Variants in ARHGEF4 observed in about 807,000 individuals in gnomAD.
ARHGEF4 encodes APC-stimulated guanine nucleotide exchange factor 1.
Under a neutral mutation model 162.0 loss-of-function variants are expected in ARHGEF4, and 119 were observed. The ratio of observed to expected loss-of-function variants is 0.73; its 90% CI spans 0.63 to 0.86. ARHGEF4 has a LOEUF of 0.86. Ranked by LOEUF, ARHGEF4 falls within the 40% of genes least tolerant of loss-of-function variation. The pLI, the probability that ARHGEF4 is intolerant of heterozygous loss-of-function variation, is 0.00. For synonymous variants in ARHGEF4, 1,014 were observed against 979.9 expected (o/e 1.03, Z -0.65); for missense variants, 2,488 against 2,456.0 (o/e 1.01, Z -0.28).
At position 130,928,584 on chromosome 2, in the gene ARHGEF4, G is replaced by T. The variant is rs145776420; in HGVS notation, c.3553-2368G>T. ...TGACTGTGCTGGGACCTTAACTGAG[G>T]GTCACACTTACAAACTTTAAACCAG... is the stretch of plus-strand genomic sequence containing the variant. On this transcript the variant is annotated intron_variant, in intron 2 of 13. Coordinates refer to ENST00000409359, the MANE Select transcript of ARHGEF4 (RefSeq NM_001367493.1). Among the ~76,000 whole-genome samples the T allele has an allele frequency of 3.4e-3, 517 of 152,214 alleles. 2 individuals are homozygous for T. Among genetic ancestry groups the T allele is most frequent in the African/African-American group, 0.012 (497 of 41,542 alleles).
chr2:131,040,061 G>A lies in ARHGEF4; in HGVS notation c.4351G>A (p.Ala1451Thr). Reference sequence around the variant, plus strand: ...GCCCGCGGATGACGACGCCCCTCTGGCCGGGAACAGCGGAGCGGAGGACGG... The same window carrying A: ...GCCCGCGGATGACGACGCCCCTCTGACCGGGAACAGCGGAGCGGAGGACGG... ...DEPADDDAPL[A>T]GNSGAEDGGA... Residue 1451 changes from alanine (A) to threonine (T), a missense_variant, in exon 7 of 14, where the codon GCC (alanine) becomes ACC (threonine). Physicochemically the swap from Ala to Thr is moderately conservative, Grantham distance 58. Coordinates refer to ENST00000409359, the MANE Select transcript of ARHGEF4 (RefSeq NM_001367493.1). 6.3e-7 allele frequency: 1 copy of A among 1,591,944 alleles called. No individual in the cohort carries two copies. Among genetic ancestry groups the A allele is most frequent in the Non-Finnish European group, 8.5e-7 (1 of 1,170,076 alleles).
chr2:130,934,046 T>C (rs1250429505), intron 3 of ARHGEF4, among the ~76,000 whole-genome samples: 1 of 152,202 alleles, frequency 6.6e-6, no homozygotes, highest in East Asian at 1.9e-4. Flanking sequence ...TTGTGTATGA[T>C]GTTAGCTGTG....
At chr2:130,988,895 TATATATAG>T (rs200783154) in intron 4 of ARHGEF4, among the ~76,000 whole-genome samples, 6,586 of 107,754 alleles carry the variant, frequency 0.061, 113 homozygotes, top group East Asian at 0.12. Context: ...TATATATATA[TATATATAG>T]AGAGAGAGAG....
intron 1 of ARHGEF4, among the ~76,000 whole-genome samples, chr2:130,853,762 C>T (rs938612009): frequency 6.6e-6 from 1 of 152,226 alleles, no homozygotes; most frequent in African/African-American, 2.4e-5. Flanking sequence ...TTGCTTGTGT[C>T]CAGTGTTGTG....
At chr2:130,957,890 T>C (rs1234720926) in intron 4 of ARHGEF4, among the ~76,000 whole-genome samples, 1 of 152,032 alleles carries the variant, frequency 6.6e-6, no homozygotes, top group African/African-American at 2.4e-5. Flanking sequence ...GAGAAATAAA[T>C]TCCTATTTTT....
At chr2:131,041,192 A>C in intron 8 of ARHGEF4, 38 bp from the exon 9 acceptor site, 1 of 1,578,390 alleles carries the variant, frequency 6.3e-7, no homozygotes, top group Non-Finnish European at 8.7e-7. Flanking sequence ...CTGTGGGAGC[A>C]GCAGAGAGCT....
intron 4 of ARHGEF4, among the ~76,000 whole-genome samples, chr2:130,955,923 T>C (rs1684241384): frequency 6.6e-6 from 1 of 152,168 alleles, no homozygotes; most frequent in South Asian, 2.1e-4. Flanking sequence ...TTCTCCATGC[T>C]CTGTTACAAA....
rs1008060311 is a variant in ARHGEF4, at chr2:130,888,172, T to C, written c.40-25814T>C. Among the ~76,000 whole-genome samples, 3 of 152,200 alleles carry C rather than the reference T, an allele frequency of 2.0e-5. No homozygotes were observed. In the East Asian group the frequency reaches 5.8e-4, roughly 29 times the overall value. ...TTTTCTATTTTTCTATCTTCTAACT[T>C]CTTTAAAAAAATGCTTAGCAGGCCA... On this transcript the variant is annotated intron_variant, in intron 1 of 13. Transcript: ENST00000409359.
intron 4 of ARHGEF4, among the ~76,000 whole-genome samples, chr2:130,960,514 T>A (rs1684565821): frequency 6.6e-6 from 1 of 152,158 alleles, no homozygotes; most frequent in Non-Finnish European, 1.5e-5. Context: ...TCTATGATGT[T>A]CACACAAGAA....
intron 4 of ARHGEF4, among the ~76,000 whole-genome samples, chr2:130,973,281 G>A (rs1446709573): frequency 6.6e-5 from 10 of 152,220 alleles, no homozygotes; most frequent in Admixed American, 1.3e-4. Flanking sequence ...GTAAGGCCAG[G>A]AACTCAAGAC....
chr2:130,958,517 C>T (rs1323909013), intron 4 of ARHGEF4, among the ~76,000 whole-genome samples: 1 of 151,800 alleles, frequency 6.6e-6, no homozygotes, highest in Non-Finnish European at 1.5e-5. Flanking sequence ...CCGAGCGATT[C>T]TCCCACCTCA....
intron 1 of ARHGEF4, among the ~76,000 whole-genome samples, chr2:130,908,632 C>T (rs1027373785): frequency 2.0e-5 from 3 of 151,886 alleles, no homozygotes; most frequent in African/African-American, 7.3e-5. Context: ...GCTGAGATTG[C>T]GCCATTGCAC....
At chr2:130,970,700 T>C (rs960668321) in intron 4 of ARHGEF4, among the ~76,000 whole-genome samples, 1 of 152,188 alleles carries the variant, frequency 6.6e-6, no homozygotes, top group South Asian at 2.1e-4. Flanking sequence ...TTCATGTGGG[T>C]GTTTGGCATA....
chr2:130,959,023 C>T lies in ARHGEF4; in HGVS notation c.3985+12388C>T, dbSNP rs539911900. The stretch of plus-strand genomic sequence containing the variant: ...GTGGCATGATCTTGGCTCACTGCAA[C>T]CTCTGCCTCCTGAGTTCAAGTGATT... On this transcript the variant is annotated intron_variant, in intron 4 of 13. Coordinates refer to ENST00000409359, the MANE Select transcript of ARHGEF4 (RefSeq NM_001367493.1). 1.1e-4 allele frequency among the ~76,000 whole-genome samples: 17 copies of T among 151,704 alleles called. 1 individual carries two copies. The South Asian group carries it at 3.6e-3, about 32-fold the overall frequency.
chr2:131,003,311 C>A (rs1232311083), intron 4 of ARHGEF4, among the ~76,000 whole-genome samples: 1 of 152,222 alleles, frequency 6.6e-6, no homozygotes, highest in African/African-American at 2.4e-5. Context: ...CTGTTCCACA[C>A]TGTTTCTGTA....
chr2:130,881,176 C>T (rs1679166134), intron 1 of ARHGEF4, among the ~76,000 whole-genome samples: 1 of 152,036 alleles, frequency 6.6e-6, no homozygotes, highest in Admixed American at 6.5e-5. Flanking sequence ...GGACTACGTG[C>T]ACCACCATGC....
chr2:131,038,549 G>C (rs1427469536), intron 5 of ARHGEF4, among the ~76,000 whole-genome samples: 2 of 152,126 alleles, frequency 1.3e-5, no homozygotes, highest in African/African-American at 4.8e-5. Context: ...CTGCAGCCTT[G>C]CAGCCCCCAG....
chr2:130,882,647 C>G (rs973700075), intron 1 of ARHGEF4, among the ~76,000 whole-genome samples: 3 of 151,992 alleles, frequency 2.0e-5, no homozygotes, highest in Non-Finnish European at 2.9e-5. Flanking sequence ...AAGTCCAAAC[C>G]CTGTTTCTGC....
At position 130,946,503 on chromosome 2, in the gene ARHGEF4, T is replaced by C. The variant is rs1185742906; in HGVS notation, c.3859-6T>C. The C allele has an allele frequency of 1.9e-6, 3 of 1,607,330 alleles. No homozygotes were observed. The highest frequency in any genetic ancestry group is 1.7e-6 in the Non-Finnish European group (2 of 1,176,130). ...TTTGCCCTCTGTCTCTTTCCTCCTCTTCCAGTGCTGGAGAAAGACGATCAT... is the reference window on the plus strand; with the variant it reads ...TTTGCCCTCTGTCTCTTTCCTCCTCCTCCAGTGCTGGAGAAAGACGATCAT... On this transcript the variant is annotated splice_region_variant and splice_polypyrimidine_tract_variant and intron_variant, in intron 3 of 13. Transcript: ENST00000409359.
Sources: gnomAD v4.1 joint callset for allele counts (sites outside exome capture counted in the v4.1 genomes callset) on GRCh38, gnomAD v4.1.1 for gene constraint, MANE v1.5 for transcripts, NCBI Gene and HGNC (gene_info 2026-07-23, HGNC 2026-07-21) for gene names.